The following SRBD1 variants were observed in gnomAD, a reference collection of about 807,000 sequenced individuals.
SRBD1 encodes S1 RNA binding domain 1.
In SRBD1, 88 loss-of-function variants were observed where a neutral mutation model predicts 115.3. The ratio of observed to expected loss-of-function variants is 0.76; its 90% CI spans 0.64 to 0.91. The LOEUF is 0.91. Ranked by LOEUF, SRBD1 falls within the 40% of genes least tolerant of loss-of-function variation. The probability of loss-of-function intolerance (pLI) is 0.00; values close to 1 mark genes in which losing one functional copy is unlikely to be tolerated. For synonymous variants in SRBD1, 509 were observed against 407.7 expected (o/e 1.25, Z -2.99); for missense variants, 1,385 against 1,177.4 (o/e 1.18, Z -2.58).
intron 16 of SRBD1, among the ~76,000 whole-genome samples, chr2:45,427,378 C>G (rs1668188095): frequency 6.6e-6 from 1 of 150,944 alleles, no homozygotes; most frequent in South Asian, 2.1e-4. Context: ...ATTCAGGAGA[C>G]CCATACCATG....
At chr2:45,586,065 C>G (rs1181925919) in intron 4 of SRBD1, among the ~76,000 whole-genome samples, 1 of 152,136 alleles carries the variant, frequency 6.6e-6, no homozygotes, top group Non-Finnish European at 1.5e-5. Flanking sequence ...TTTCATCTCT[C>G]ATATTGGTAG....
intron 1 of SRBD1, 38 bp from the exon 2 acceptor site, chr2:45,605,479 T>A: frequency 6.4e-7 from 1 of 1,569,110 alleles, no homozygotes; most frequent in Non-Finnish European, 8.7e-7. Flanking sequence ...AACACTTGAA[T>A]ATTCTTATCA....
At position 45,546,750 on chromosome 2, in the gene SRBD1, G is replaced by A. The variant is rs1449166757; in HGVS notation, c.1856C>T (p.Pro619Leu). The part of the protein sequence containing the change: ...ADLIMKNYFA[P>L]LDVVYCIVSE... ...GCCTTACCAGTAAACAACATCCAGT[G>A]GTGCAAAATAATTCTTCATTATCAG... is the stretch of plus-strand genomic sequence containing the variant. Residue 619 changes from proline (P) to leucine (L), a missense_variant, in exon 14 of 21, where the codon CCA (proline) becomes CTA (leucine). Coordinates refer to ENST00000263736, the MANE Select transcript of SRBD1 (RefSeq NM_018079.5). 7 of 1,613,888 alleles carry A rather than the reference G, an allele frequency of 4.3e-6. No individual in the cohort carries two copies. Among genetic ancestry groups the A allele is most frequent in the Non-Finnish European group, 5.1e-6 (6 of 1,179,942 alleles).
intron 8 of SRBD1, among the ~76,000 whole-genome samples, chr2:45,573,996 A>G (rs1413071652): frequency 6.6e-6 from 1 of 152,166 alleles, no homozygotes; most frequent in African/African-American, 2.4e-5. Flanking sequence ...CTGTCTTCTG[A>G]TACACAGCAG....
At chr2:45,482,956 T>G (rs1302460214) in intron 15 of SRBD1, among the ~76,000 whole-genome samples, 2 of 152,132 alleles carry the variant, frequency 1.3e-5, no homozygotes, top group Non-Finnish European at 2.9e-5. Flanking sequence ...AAATCTATAT[T>G]ACTTTTATTG....
intron 16 of SRBD1, among the ~76,000 whole-genome samples, chr2:45,474,691 G>C (rs1477387805): frequency 6.6e-6 from 1 of 152,152 alleles, no homozygotes; most frequent in Non-Finnish European, 1.5e-5. Context: ...GATACACAAT[G>C]ATCTGTATAT....
intron 9 of SRBD1, among the ~76,000 whole-genome samples, chr2:45,572,958 A>G (rs1230355507): frequency 2.0e-5 from 3 of 152,156 alleles, no homozygotes. Context: ...ACCAGCCAAA[A>G]AGTCAAGATA....
Position 45,509,419 on chromosome 2 carries a change from A to G in SRBD1, c.1875-21088T>C, listed in dbSNP as rs1670894893. ...AGACCATCCTGGCTAACACAGTGAA[A>G]CCCCATCTCTACTAAAAATACAAAA... On this transcript the variant is annotated intron_variant, in intron 14 of 20. Transcript: ENST00000263736. 2.0e-5 allele frequency among the ~76,000 whole-genome samples: 3 copies of G among 152,064 alleles called. No individual in the cohort carries two copies. In the South Asian group the frequency reaches 6.2e-4, roughly 32 times the overall value.
chr2:45,604,822 A>T (rs183878046), intron 2 of SRBD1, among the ~76,000 whole-genome samples: 172 of 152,294 alleles, frequency 1.1e-3, no homozygotes, highest in African/African-American at 4.0e-3. Context: ...TTATTACTAT[A>T]AATATTACCA....
intron 18 of SRBD1, 66 bp downstream of exon 18, chr2:45,418,299 G>C: frequency 6.4e-7 from 1 of 1,559,810 alleles, no homozygotes; most frequent in Non-Finnish European, 8.7e-7. Context: ...CTAATCAGTG[G>C]TAGGATAGGT....
intron 10 of SRBD1, among the ~76,000 whole-genome samples, chr2:45,559,273 C>A (rs1414379808): frequency 5.3e-5 from 8 of 152,086 alleles, no homozygotes; most frequent in Admixed American, 6.6e-5. Context: ...ATTGGCTTCC[C>A]ACCATCCTTA....
chr2:45,430,314 A>C (rs1202564687), intron 16 of SRBD1, among the ~76,000 whole-genome samples: 5 of 152,202 alleles, frequency 3.3e-5, no homozygotes, highest in Non-Finnish European at 5.9e-5. Context: ...ATATGGAACC[A>C]AAAAAGAGCC....
At chr2:45,579,620 T>A (rs953747759) in intron 7 of SRBD1, among the ~76,000 whole-genome samples, 3 of 151,828 alleles carry the variant, frequency 2.0e-5, no homozygotes, top group Non-Finnish European at 4.4e-5. Context: ...ATGACAAAAA[T>A]TATTTTAAAA....
intron 11 of SRBD1, among the ~76,000 whole-genome samples, chr2:45,552,857 C>A (rs773333205): frequency 6.6e-6 from 1 of 152,130 alleles, no homozygotes; most frequent in Non-Finnish European, 1.5e-5. Context: ...ATTCAATGGT[C>A]AAGTCCAGCA....
intron 7 of SRBD1, 102 bp from the exon 8 acceptor site, chr2:45,574,825 C>A: frequency 9.9e-7 from 1 of 1,010,546 alleles, no homozygotes; most frequent in Admixed American, 2.5e-5. Flanking sequence ...CAAAATAAAA[C>A]CTTAAGTTGA....
chr2:45,567,438 C>T (rs954452574), intron 9 of SRBD1, among the ~76,000 whole-genome samples: 1 of 151,732 alleles, frequency 6.6e-6, no homozygotes, highest in African/African-American at 2.4e-5. Flanking sequence ...GGCGAAACCC[C>T]AACTCTCAAA....
chr2:45,498,310 C>A (rs961495227), intron 14 of SRBD1, among the ~76,000 whole-genome samples: 3 of 152,074 alleles, frequency 2.0e-5, no homozygotes, highest in Admixed American at 2.0e-4. Context: ...TTATCAGATA[C>A]AATATTTGCA....
intron 10 of SRBD1, among the ~76,000 whole-genome samples, chr2:45,561,944 A>G (rs532260623): frequency 6.6e-6 from 1 of 152,324 alleles, no homozygotes; most frequent in South Asian, 2.1e-4. Context: ...TTTTGTTTCC[A>G]TCATCCTTAA....
At chr2:45,462,251 C>T (rs144555131) in intron 16 of SRBD1, among the ~76,000 whole-genome samples, 43 of 152,190 alleles carry the variant, frequency 2.8e-4, no homozygotes, top group African/African-American at 8.9e-4. Flanking sequence ...ATATACATAG[C>T]GCCCTCATAC....
Sources: allele counts gnomAD v4.1 joint callset (sites outside exome capture counted in the v4.1 genomes callset), GRCh38; gene constraint gnomAD v4.1.1; transcripts MANE v1.5; gene names NCBI Gene and HGNC (gene_info 2026-07-23, HGNC 2026-07-21).